Variants in TP53BP2 observed in about 807,000 individuals in gnomAD.
The protein encoded by TP53BP2 is tumor protein p53 binding protein 2, also known as apoptosis-stimulating of p53 protein 2.
In TP53BP2, 62 loss-of-function variants were observed where a neutral mutation model predicts 126.2. The observed-to-expected ratio is 0.49, with a 90% CI of 0.40 to 0.61. The LOEUF is 0.61. TP53BP2 is among the 20% of genes least tolerant of loss of function. The pLI is 0.00. For missense variants in TP53BP2, 1,215 were observed against 1,402.8 expected (o/e 0.87, Z 2.14); for synonymous variants, 485 against 502.9 (o/e 0.96, Z 0.48).
At position 223,784,233 on chromosome 1, in the gene TP53BP2, A is replaced by G. The variant is rs1368756415; in HGVS notation, c.3245T>C (p.Leu1082Pro). 2 of 1,614,172 alleles carry G rather than the reference A, an allele frequency of 1.2e-6. No homozygotes were observed. Among genetic ancestry groups the G allele is most frequent in the Admixed American group, 1.7e-5 (1 of 60,016 alleles). ...WDYEPQNDDELPMKEGDCMTI... is the reference protein window; with the variant it reads ...WDYEPQNDDEPPMKEGDCMTI... ...CATGCAGTCTCCTTCTTTCATGGGC[A>G]GCTCATCATCATTCTGAGGTTCATA... The change falls in exon 17 of 18, where the codon CTG becomes CCG. Residue 1082 changes from leucine to proline, a missense_variant. Transcript: ENST00000343537.
chr1:223,802,444 G>T (rs1571851073), intron 8 of TP53BP2, 100 bp from the exon 9 acceptor site: 2 of 1,227,806 alleles, frequency 1.6e-6, no homozygotes, highest in Non-Finnish European at 2.2e-6. Context: ...AAAATGAGCA[G>T]TTTCAGAATC....
At chr1:223,836,539 C>T (rs1260596512) in intron 1 of TP53BP2, among the ~76,000 whole-genome samples, 1 of 152,170 alleles carries the variant, frequency 6.6e-6, no homozygotes, top group Non-Finnish European at 1.5e-5. Flanking sequence ...AAGAAACTTT[C>T]TATCTCACTA....
intron 13 of TP53BP2, 122 bp downstream of exon 13, chr1:223,795,693 C>T (rs1662291474): frequency 2.4e-6 from 2 of 841,594 alleles, no homozygotes; most frequent in Admixed American, 2.9e-5. Flanking sequence ...TTATAAGATC[C>T]ACTCTGTGCC....
At chr1:223,837,849 C>T (rs1663973838) in intron 1 of TP53BP2, among the ~76,000 whole-genome samples, 1 of 152,038 alleles carries the variant, frequency 6.6e-6, no homozygotes, top group African/African-American at 2.4e-5. Context: ...CTCTGGCCCG[C>T]GAAAACCTAT....
intron 17 of TP53BP2, among the ~76,000 whole-genome samples, 169 bp from the exon 18 acceptor site, chr1:223,781,063 G>A (rs1571830488): frequency 6.6e-6 from 1 of 152,172 alleles, no homozygotes; most frequent in East Asian, 1.9e-4. Flanking sequence ...TTAGCAACGT[G>A]GTCATAGCTA....
chr1:223,821,239 A>T lies in TP53BP2; in HGVS notation c.156T>A (p.Ala52=). 1.2e-6 allele frequency: 2 copies of T among 1,614,064 alleles called. No homozygotes were observed. Among genetic ancestry groups the T allele is most frequent in the Non-Finnish European group, 1.7e-6 (2 of 1,179,898 alleles). ...TCTCACCAGAGCCACACCACACTTCAGCCAAATGGCAATCACTCTCGCCGG... is the reference window on the plus strand; with the variant it reads ...TCTCACCAGAGCCACACCACACTTCTGCCAAATGGCAATCACTCTCGCCGG... ...KEPGESDCHL[A]EVWCGSERPV... is the part of the protein sequence containing the mutation. Residue 52 remains alanine (A), a synonymous_variant, in exon 2 of 18, where the codon GCT becomes GCA. Coordinates refer to ENST00000343537, the MANE Select transcript of TP53BP2 (RefSeq NM_001031685.3).
chr1:223,794,656 T>C (rs769788383), intron 13 of TP53BP2, among the ~76,000 whole-genome samples: 1 of 152,226 alleles, frequency 6.6e-6, no homozygotes, highest in Non-Finnish European at 1.5e-5. Flanking sequence ...GTAACGTGGA[T>C]TGGTTTTGGC....
At chr1:223,826,022 A>G (rs149181877) in intron 1 of TP53BP2, 1 of 152,412 alleles carries the variant, frequency 6.6e-6, no homozygotes, top group East Asian at 1.9e-4. Flanking sequence ...TCTCCGTACT[A>G]TGCAGTCAGA....
intron 5 of TP53BP2, among the ~76,000 whole-genome samples, chr1:223,804,613 G>A (rs1268837419): frequency 6.6e-6 from 1 of 152,204 alleles, no homozygotes; most frequent in Non-Finnish European, 1.5e-5. Flanking sequence ...CAGCAAGGAT[G>A]CAGCAATTCT....
intron 1 of TP53BP2, among the ~76,000 whole-genome samples, chr1:223,834,066 G>A (rs1272510928): frequency 6.6e-6 from 1 of 152,256 alleles, no homozygotes; most frequent in East Asian, 1.9e-4. Context: ...TAATGAACTT[G>A]GACTATTCCA....
chr1:223,821,289 C>T lies in TP53BP2; in HGVS notation c.106G>A (p.Asp36Asn). Reference sequence around the variant, plus strand: ...GGTTCTTTGCACAGATCCACCACGTCTCTGCATATTGTTTCTGGAGTAACT... The same window carrying T: ...GGTTCTTTGCACAGATCCACCACGTTTCTGCATATTGTTTCTGGAGTAACT... ...VPVTPETICR[D>N]VVDLCKEPGE... Residue 36 changes from aspartate (D) to asparagine (N), a missense_variant, in exon 2 of 18, where the codon GAC (aspartate) becomes AAC (asparagine). This residue lies in a region of TP53BP2 where 814 missense variants were observed against 853.0 expected (regional missense o/e 0.95). Coordinates refer to ENST00000343537, the MANE Select transcript of TP53BP2 (RefSeq NM_001031685.3). 3 of 1,614,058 alleles carry T rather than the reference C, an allele frequency of 1.9e-6. No individual in the cohort carries two copies. Among genetic ancestry groups the T allele is most frequent in the Non-Finnish European group, 1.7e-6 (2 of 1,179,900 alleles).
At chr1:223,831,434 G>T (rs1206940084) in intron 1 of TP53BP2, among the ~76,000 whole-genome samples, 1 of 129,324 alleles carries the variant, frequency 7.7e-6, no homozygotes, top group Non-Finnish European at 1.6e-5. Flanking sequence ...ATGTGTGTCT[G>T]TGTGTACACA....
At chr1:223,810,253 ATAGTCAGC>A (rs1455150898) in intron 4 of TP53BP2, among the ~76,000 whole-genome samples, 170 bp downstream of exon 4, 1 of 152,268 alleles carries the variant, frequency 6.6e-6, no homozygotes, top group African/African-American at 2.4e-5. Context: ...ACTTCTTCCA[ATAGTCAGC>A]CATATACAGA....
intron 15 of TP53BP2, among the ~76,000 whole-genome samples, chr1:223,791,347 G>A (rs1188108695): frequency 2.6e-5 from 4 of 152,096 alleles, no homozygotes; most frequent in Admixed American, 2.6e-4. Flanking sequence ...GTGTTTACCT[G>A]TACACTGTGG....
chr1:223,783,915 C>T (rs1024934853), intron 17 of TP53BP2, among the ~76,000 whole-genome samples, 200 bp downstream of exon 17: 1 of 152,148 alleles, frequency 6.6e-6, no homozygotes, highest in African/African-American at 2.4e-5. Context: ...CCCTGACCTC[C>T]AGGGCTGGCA....
Position 223,780,718 on chromosome 1 carries a change from C to G in TP53BP2, c.*135G>C. 1.2e-6 allele frequency: 1 copy of G among 810,914 alleles called. No homozygotes were observed. The highest frequency in any genetic ancestry group is 1.8e-5 in the South Asian group (1 of 56,648). The allele number at this position is 810,914 out of a possible 1,614,324, so 50.2% of individuals were successfully genotyped here. A position where few individuals can be genotyped will look rare whatever the true frequency, so the allele number is the denominator to read the frequency against. ...GAATTCTTCAATCCTTCATTCTCTT[C>G]TAGAGACATTCTTCATCGCTTTCAA... On this transcript the variant is annotated 3_prime_UTR_variant, in exon 18 of 18. Transcript: ENST00000343537.
intron 2 of TP53BP2, among the ~76,000 whole-genome samples, chr1:223,819,389 A>G (rs1162017924): frequency 1.3e-5 from 2 of 151,614 alleles, no homozygotes; most frequent in Non-Finnish European, 2.9e-5. Context: ...TGAGGTAAAG[A>G]GTAAGAAAAC....
At chr1:223,845,566 C>A (rs1664240766) in intron 1 of TP53BP2, 88 bp downstream of exon 1, 1 of 1,379,576 alleles carries the variant, frequency 7.2e-7, no homozygotes, top group Non-Finnish European at 9.5e-7. Context: ...CAGGCTCCTT[C>A]CCCGACGCGC....
rs376173028 is a variant in TP53BP2, at chr1:223,845,716, T to G, written c.-36A>C. ...GGCCAGACTGCGGCCCCGGCCGAGC[T>G]GAGGTGCCCCGGAGGGTCGCGGATG... On this transcript the variant is annotated 5_prime_UTR_variant, in exon 1 of 18. Transcript: ENST00000343537. The G allele has an allele frequency of 3.7e-5, 56 of 1,520,242 alleles. No individual in the cohort carries two copies. The African/African-American group carries it at 7.5e-4, about 20-fold the overall frequency. 94.2% of individuals were successfully genotyped at this position (1,520,242 alleles called of 1,614,324 possible).
Sources: allele counts gnomAD v4.1 joint callset (sites outside exome capture counted in the v4.1 genomes callset), GRCh38; gene constraint gnomAD v4.1.1; regional missense constraint gnomAD v4.1.1; transcripts MANE v1.5; gene names NCBI Gene and HGNC (gene_info 2026-07-23, HGNC 2026-07-21).